Variants in SOCS1 observed in about 807,000 individuals in gnomAD.
The protein encoded by SOCS1 is JAK binding protein.
Under a neutral mutation model 9.7 loss-of-function variants are expected in SOCS1, and 3 were observed. The ratio of observed to expected loss-of-function variants is 0.31; its 90% CI spans 0.14 to 0.80. The LOEUF (loss-of-function observed/expected upper bound fraction) is 0.80. Ranked by LOEUF, SOCS1 falls within the 30% of genes least tolerant of loss-of-function variation. The pLI is 0.61. For missense variants in SOCS1, 368 were observed against 324.7 expected, an observed-to-expected ratio of 1.13 and a Z score of -1.02; for synonymous variants, 194 against 150.2, an observed-to-expected ratio of 1.29 and a Z score of -2.13.
chr16:11,254,755 G>C lies in SOCS1; in HGVS notation c.*88C>G, dbSNP rs898407449. 1 of 1,381,642 alleles carries C rather than the reference G, an allele frequency of 7.2e-7. No homozygotes were observed. Among genetic ancestry groups the C allele is most frequent in the Non-Finnish European group, 9.4e-7 (1 of 1,067,668 alleles). The allele number at this position is 1,381,642 out of a possible 1,614,324, so 85.6% of individuals were successfully genotyped here. A position where few individuals can be genotyped will look rare whatever the true frequency, so the allele number is the denominator to read the frequency against. The stretch of plus-strand genomic sequence containing the variant: ...CCATCCGCTCCCTCCAACCCAGGCC[G>C]GGGAGGGTACCCACATGGTTCCAGG... On this transcript the variant is annotated 3_prime_UTR_variant, in exon 2 of 2. Transcript: ENST00000332029.
rs757951209 is a variant in SOCS1, at chr16:11,255,346, CCGCGGGGCACGGCCGCGGGCG to C, written c.112_132del (p.Arg38_Ala44del). 1.9e-4 allele frequency: 267 copies of C among 1,399,742 alleles called. 2 individuals are homozygous for C. The highest frequency in any genetic ancestry group is 2.3e-4 in the Non-Finnish European group (249 of 1,083,564). The allele number at this position is 1,399,742 out of a possible 1,614,324, so 86.7% of individuals were successfully genotyped here. ...GTGTCGCCGGGGGCCGGGGCCGGGA[CCGCGGGGCACGGCCGCGGGCG>C]CGCGGGGGCCGCGGGCGAGGAGGAG... On this transcript the variant is annotated inframe_deletion, in exon 2 of 2. Coordinates refer to ENST00000332029, the MANE Select transcript of SOCS1 (RefSeq NM_003745.2).
chr16:11,254,637 G>A lies in SOCS1; in HGVS notation c.*206C>T. ...CTACAACAACCAGGGGGACCCAGAG[G>A]GAGCACCAGGAGGGGGAGGACCCCC... On this transcript the variant is annotated 3_prime_UTR_variant, in exon 2 of 2. Coordinates refer to ENST00000332029, the MANE Select transcript of SOCS1 (RefSeq NM_003745.2). 1 of 585,210 alleles carries A rather than the reference G, an allele frequency of 1.7e-6. No homozygotes were observed. Among genetic ancestry groups the A allele is most frequent in the Non-Finnish European group, 2.6e-6 (1 of 387,024 alleles). The allele number at this position is 585,210 out of a possible 1,614,324, so 36.3% of individuals were successfully genotyped here.
At position 11,255,521 on chromosome 16, in the gene SOCS1, G is replaced by C; in HGVS notation, c.-43C>G. On this transcript the variant is annotated 5_prime_UTR_variant, in exon 2 of 2. Coordinates refer to ENST00000332029, the MANE Select transcript of SOCS1 (RefSeq NM_003745.2). ...CCGGAGGGGTGGGCCATAGCGTCCGGGGGTGCGCTGCGGGAGAGACAAAGA... is the reference window on the plus strand; with the variant it reads ...CCGGAGGGGTGGGCCATAGCGTCCGCGGGTGCGCTGCGGGAGAGACAAAGA... 1 of 1,180,642 alleles carries C rather than the reference G, an allele frequency of 8.5e-7. No individual in the cohort carries two copies. 73.1% of individuals were successfully genotyped at this position (1,180,642 alleles called of 1,614,324 possible).
chr16:11,254,548 A>G lies in SOCS1; in HGVS notation c.*295T>C, dbSNP rs2069569923. 2 of 326,234 alleles carry G rather than the reference A, an allele frequency of 6.1e-6. No homozygotes were observed. The highest frequency in any genetic ancestry group is 9.4e-5 in the East Asian group (2 of 21,178). The allele number at this position is 326,234 out of a possible 1,614,324, so 20.2% of individuals were successfully genotyped here. A position where few individuals can be genotyped will look rare whatever the true frequency, so the allele number is the denominator to read the frequency against. On this transcript the variant is annotated 3_prime_UTR_variant, in exon 2 of 2. Transcript: ENST00000332029. Reference sequence around the variant, plus strand: ...CCTGGTTTGTGCAAAGATACTGGGTATATGTAAACATGAAGAGGTAGGAGG... The same window carrying G: ...CCTGGTTTGTGCAAAGATACTGGGTGTATGTAAACATGAAGAGGTAGGAGG...
Position 11,254,835 on chromosome 16 carries a change from G to T in SOCS1, c.*8C>A. ...AGTTAATGCTGCGTGCACGGCGGGCGCTGCCGGTCAAATCTGGAAGGGGAA... is the reference window on the plus strand; with the variant it reads ...AGTTAATGCTGCGTGCACGGCGGGCTCTGCCGGTCAAATCTGGAAGGGGAA... On this transcript the variant is annotated 3_prime_UTR_variant, in exon 2 of 2. Coordinates refer to ENST00000332029, the MANE Select transcript of SOCS1 (RefSeq NM_003745.2). 1 of 1,469,120 alleles carries T rather than the reference G, an allele frequency of 6.8e-7. No individual in the cohort carries two copies. The highest frequency in any genetic ancestry group is 8.9e-7 in the Non-Finnish European group (1 of 1,117,704). 91.0% of individuals were successfully genotyped at this position (1,469,120 alleles called of 1,614,324 possible). A position where few individuals can be genotyped will look rare whatever the true frequency, so the allele number is the denominator to read the frequency against.
Position 11,255,383 on chromosome 16 carries a change from CGAG to C in SOCS1, c.93_95del (p.Ser32del), listed in dbSNP as rs1489186405. 7.5e-6 allele frequency: 10 copies of C among 1,337,440 alleles called. No individual in the cohort carries two copies. The highest frequency in any genetic ancestry group is 2.2e-5 in the South Asian group (1 of 45,402). The allele number at this position is 1,337,440 out of a possible 1,614,324, so 82.8% of individuals were successfully genotyped here. On this transcript the variant is annotated inframe_deletion, in exon 2 of 2. Transcript: ENST00000332029. ...GCCGCGGGCGCGCGGGGGCCGCGGG[CGAG>C]GAGGAGGAAGAGGAGGAAGGTTCTG...
Position 11,254,938 on chromosome 16 carries a change from G to A in SOCS1, c.541C>T (p.Arg181Cys), listed in dbSNP as rs1355566958. Reference sequence around the variant, plus strand: ...TCGCGGCCCACGGTGGCCACGATGCGCTGGCGGCACAGCTCCTGCAGCGGC... The same window carrying A: ...TCGCGGCCCACGGTGGCCACGATGCACTGGCGGCACAGCTCCTGCAGCGGC... ...VRPLQELCRQ[R>C]IVATVGRENL... The change falls in exon 2 of 2, where the codon CGC (arginine) becomes TGC (cysteine). Residue 181 changes from arginine to cysteine, a missense_variant. Coordinates refer to ENST00000332029, the MANE Select transcript of SOCS1 (RefSeq NM_003745.2). The A allele has an allele frequency of 6.8e-6, 10 of 1,478,322 alleles. No homozygotes were observed. Among genetic ancestry groups the A allele is most frequent in the South Asian group, 2.8e-5 (2 of 71,404 alleles). The allele number at this position is 1,478,322 out of a possible 1,614,324, so 91.6% of individuals were successfully genotyped here.
Position 11,256,178 on chromosome 16 carries a change from C to G in SOCS1, c.-150G>C, listed in dbSNP as rs1311528932. 1.3e-5 allele frequency: 2 copies of G among 151,754 alleles called. No individual in the cohort carries two copies. The highest frequency in any genetic ancestry group is 2.4e-5 in the African/African-American group (1 of 41,370). The allele number at this position is 151,754 out of a possible 1,614,324, so 9.4% of individuals were successfully genotyped here. ...TGCTCCGGGGCCAGGAGCCGTGCAG[C>G]TGCCACGGCCGCAGCTCGCTCTGTT... On this transcript the variant is annotated 5_prime_UTR_variant, in exon 1 of 2. Coordinates refer to ENST00000332029, the MANE Select transcript of SOCS1 (RefSeq NM_003745.2).
At position 11,254,546 on chromosome 16, in the gene SOCS1, G is replaced by C. The variant is rs2069569877; in HGVS notation, c.*297C>G. On this transcript the variant is annotated 3_prime_UTR_variant, in exon 2 of 2. Transcript: ENST00000332029. ...CCCCTGGTTTGTGCAAAGATACTGG[G>C]TATATGTAAACATGAAGAGGTAGGA... The C allele has an allele frequency of 9.1e-6, 3 of 329,994 alleles. No homozygotes were observed. In the South Asian group the frequency reaches 3.9e-4, roughly 43 times the overall value. The allele number at this position is 329,994 out of a possible 1,614,324, so 20.4% of individuals were successfully genotyped here.
intron 1 of SOCS1, chr16:11,255,741 G>C (rs2069592815): frequency 3.1e-6 from 1 of 324,132 alleles, no homozygotes; most frequent in African/African-American, 2.1e-5. Flanking sequence ...GTGGGGGCTC[G>C]GTGGAGGCGG....
rs749723104 is a variant in SOCS1 at position 11,255,187 on chromosome 16, C to G, written c.292G>C (p.Val98Leu). 3 of 1,587,638 alleles carry G rather than the reference C, an allele frequency of 1.9e-6. No individual in the cohort carries two copies. The highest frequency in any genetic ancestry group is 2.6e-6 in the Non-Finnish European group (3 of 1,172,652). The change falls in exon 2 of 2, where the codon GTG (valine) becomes CTG (leucine). Residue 98 changes from valine to leucine, a missense_variant. Physicochemically the swap from Val to Leu is conservative, Grantham distance 32. Coordinates refer to ENST00000332029, the MANE Select transcript of SOCS1 (RefSeq NM_003745.2). Reference sequence around the variant, plus strand: ...CTGTCGCGCACCAGGAAGGTGCCCACGGGCTCGGCGCGCAGCCGCTCGTGC... The same window carrying G: ...CTGTCGCGCACCAGGAAGGTGCCCAGGGGCTCGGCGCGCAGCCGCTCGTGC... Reference protein sequence around the residue: ...GAHERLRAEPVGTFLVRDSRQ... With the variant: ...GAHERLRAEPLGTFLVRDSRQ...
Position 11,254,921 on chromosome 16 carries a change from C to T in SOCS1, c.558G>A (p.Val186=). 6.7e-7 allele frequency: 1 copy of T among 1,483,820 alleles called. No homozygotes were observed. 91.9% of individuals were successfully genotyped at this position (1,483,820 alleles called of 1,614,324 possible). A position where few individuals can be genotyped will look rare whatever the true frequency, so the allele number is the denominator to read the frequency against. The change falls in exon 2 of 2, where the codon GTG becomes GTA. Residue 186 remains valine (V), a synonymous_variant. Coordinates refer to ENST00000332029, the MANE Select transcript of SOCS1 (RefSeq NM_003745.2). ...ELCRQRIVAT[V]GRENLARIPL... is the part of the protein sequence containing the mutation. ...GGATGCGAGCCAGGTTCTCGCGGCC[C>T]ACGGTGGCCACGATGCGCTGGCGGC... is the stretch of plus-strand genomic sequence containing the variant.
intron 1 of SOCS1, 22 bp from the exon 2 acceptor site, chr16:11,255,550 G>T: frequency 2.1e-6 from 2 of 960,464 alleles, no homozygotes; most frequent in Non-Finnish European, 1.4e-6. Context: ...ACAAAGAGGT[G>T]AGCTGGGGCG....
In SOCS1 at chr16:11,254,472, A is replaced by T. The variant is rs754377333; in HGVS notation, c.*371T>A. ...ACCTAAACTGACTTTAAAAAATATA[A>T]AATAGGATTCTGCACAGCAGAAAAA... On this transcript the variant is annotated 3_prime_UTR_variant, in exon 2 of 2. Coordinates refer to ENST00000332029, the MANE Select transcript of SOCS1 (RefSeq NM_003745.2). 1.2e-5 allele frequency: 3 copies of T among 254,588 alleles called. No homozygotes were observed. The highest frequency in any genetic ancestry group is 2.3e-5 in the Non-Finnish European group (3 of 132,796). 15.8% of individuals were successfully genotyped at this position (254,588 alleles called of 1,614,324 possible).
intron 1 of SOCS1, 88 bp from the exon 2 acceptor site, chr16:11,255,616 G>A: frequency 2.3e-6 from 1 of 442,560 alleles, no homozygotes; most frequent in South Asian, 1.2e-4. Flanking sequence ...CGGCGCTCCC[G>A]GCGGACCCGG....
rs2069600412 is a variant in SOCS1 at position 11,256,103 on chromosome 16, CG to C, written c.-76del. ...CCTGGCGGCGGGGCGCGGGACGCCG[CG>C]GGCGGGACGGCGGGGGGCTCCGGGG... is the stretch of plus-strand genomic sequence containing the variant. On this transcript the variant is annotated 5_prime_UTR_variant, in exon 1 of 2. An upstream open reading frame in the 5' UTR gains an earlier in-frame stop. Coordinates refer to ENST00000332029, the MANE Select transcript of SOCS1 (RefSeq NM_003745.2). 1 of 151,480 alleles carries C rather than the reference CG, an allele frequency of 6.6e-6. No individual in the cohort carries two copies. The highest frequency in any genetic ancestry group is 2.0e-4 in the South Asian group (1 of 4,930). The allele number at this position is 151,480 out of a possible 1,614,324, so 9.4% of individuals were successfully genotyped here. A position where few individuals can be genotyped will look rare whatever the true frequency, so the allele number is the denominator to read the frequency against.
At position 11,254,772 on chromosome 16, in the gene SOCS1, G is replaced by T. The variant is rs1200461226; in HGVS notation, c.*71C>A. ...CCCAGGCCGGGGAGGGTACCCACAT[G>T]GTTCCAGGCAAGTAATAACAAAATA... is the stretch of plus-strand genomic sequence containing the variant. On this transcript the variant is annotated 3_prime_UTR_variant, in exon 2 of 2. Transcript: ENST00000332029. 3 of 1,405,518 alleles carry T rather than the reference G, an allele frequency of 2.1e-6. No individual in the cohort carries two copies. The highest frequency in any genetic ancestry group is 1.5e-5 in the African/African-American group (1 of 66,656). 87.1% of individuals were successfully genotyped at this position (1,405,518 alleles called of 1,614,324 possible).
Position 11,254,985 on chromosome 16 carries a change from G to T in SOCS1, c.494C>A (p.Pro165Gln). 1 of 1,549,022 alleles carries T rather than the reference G, an allele frequency of 6.5e-7. No homozygotes were observed. The highest frequency in any genetic ancestry group is 2.6e-5 in the East Asian group (1 of 38,408). ...CGGCCGCACGCGGCGCTGGCGCAGC[G>T]GGGCCCCCAGCATGCGGCGCGGCGC... Reference protein sequence around the residue: ...VAAPRRMLGAPLRQRRVRPLQ... With the variant: ...VAAPRRMLGAQLRQRRVRPLQ... Residue 165 changes from proline to glutamine, a missense_variant, in exon 2 of 2, where the codon CCG becomes CAG. Pro to Gln is a moderately conservative substitution (Grantham distance 76). Coordinates refer to ENST00000332029, the MANE Select transcript of SOCS1 (RefSeq NM_003745.2).
At position 11,255,035 on chromosome 16, in the gene SOCS1, G is replaced by C. The variant is rs768393197; in HGVS notation, c.444C>G (p.Phe148Leu). ...DGSRESFDCL[F>L]ELLEHYVAAP... ...CCGCCACGTAGTGCTCCAGCAGCTC[G>C]AAGAGGCAGTCGAAGCTCTCGCGGC... The change falls in exon 2 of 2, where the codon TTC becomes TTG. Residue 148 changes from phenylalanine (F) to leucine (L), a missense_variant. Coordinates refer to ENST00000332029, the MANE Select transcript of SOCS1 (RefSeq NM_003745.2). The C allele has an allele frequency of 5.6e-6, 9 of 1,605,622 alleles. No individual in the cohort carries two copies. The highest frequency in any genetic ancestry group is 1.4e-5 in the African/African-American group (1 of 73,578).
Sources: gnomAD v4.1 joint callset for allele counts on GRCh38, gnomAD v4.1.1 for gene constraint, MANE v1.5 for transcripts, NCBI Gene and HGNC (gene_info 2026-07-23, HGNC 2026-07-21) for gene names.